Variants in LINGO2 observed in about 807,000 individuals in gnomAD.
The protein encoded by LINGO2 is leucine rich repeat and Ig domain containing 2, also known as leucine-rich repeat and immunoglobulin-like domain-containing nogo receptor-interacting protein 2.
Under a neutral mutation model 30.6 loss-of-function variants are expected in LINGO2, and 14 were observed. That is an observed-to-expected ratio of 0.46 (90% CI 0.30 to 0.72). The LOEUF is 0.72. Ranked by LOEUF, LINGO2 falls within the 30% of genes least tolerant of loss-of-function variation. The pLI is 0.07. For synonymous variants in LINGO2, 317 were observed against 288.5 expected (o/e 1.10, Z -1.00); for missense variants, 729 against 751.7 (o/e 0.97, Z 0.35).
At chr9:28,913,489 T>G in the LINGO2 span, among the ~76,000 whole-genome samples, 1 of 152,242 alleles carries the variant, frequency 6.6e-6, no homozygotes, top group South Asian at 2.1e-4. Flanking sequence ...CGTTATACAA[T>G]ATTATATAGG....
At chr9:29,084,270 G>A in the LINGO2 span, among the ~76,000 whole-genome samples, 1 of 152,024 alleles carries the variant, frequency 6.6e-6, no homozygotes, top group Non-Finnish European at 1.5e-5. Flanking sequence ...GGGAGAAATT[G>A]GACAATGAAG....
Position 28,189,701 on chromosome 9 carries a change from G to GAGGAAGGAAGGAAGGAAGGA in LINGO2, c.-87+105487_-87+105506dup, listed in dbSNP as rs145816256. Among the ~76,000 whole-genome samples the GAGGAAGGAAGGAAGGAAGGA allele has an allele frequency of 5.8e-3, 97 of 16,614 alleles. 13 individuals carry two copies. The highest frequency in any genetic ancestry group is 0.042 in the East Asian group (26 of 624). 10.9% of individuals were successfully genotyped at this position (16,614 alleles called of 152,430 possible). On this transcript the variant is annotated intron_variant, in intron 4 of 5. Coordinates refer to ENST00000379992, the Ensembl canonical transcript of LINGO2. ...GAAGGAAGGGAGGAAGGAAGGGAGG[G>GAGGAAGGAAGGAAGGAAGGA]AGGAAGGAAGGAAGGAAGGAAGGTT...
At chr9:28,220,968 G>A (rs1030727949) in intron 4 of LINGO2, among the ~76,000 whole-genome samples, 1 of 152,140 alleles carries the variant, frequency 6.6e-6, no homozygotes, top group South Asian at 2.1e-4. Flanking sequence ...GTATAGCATG[G>A]TGACTATAGT....
the LINGO2 span, among the ~76,000 whole-genome samples, chr9:29,185,450 C>T: frequency 6.6e-6 from 1 of 152,074 alleles, no homozygotes; most frequent in African/African-American, 2.4e-5. Flanking sequence ...ACATTACATA[C>T]TTTAAACGCA....
the LINGO2 span, among the ~76,000 whole-genome samples, chr9:29,036,925 TTAG>T: frequency 6.6e-6 from 1 of 151,932 alleles, no homozygotes; most frequent in Admixed American, 6.6e-5. Flanking sequence ...AATTGAAAAA[TTAG>T]TTATTAAGGT....
intron 4 of LINGO2, among the ~76,000 whole-genome samples, chr9:28,274,873 T>G (rs1823061771): frequency 6.6e-6 from 1 of 152,194 alleles, no homozygotes; most frequent in South Asian, 2.1e-4. Context: ...TATTCTCACA[T>G]GTATTCAAAG....
the LINGO2 span, among the ~76,000 whole-genome samples, chr9:29,071,826 C>T: frequency 6.6e-6 from 1 of 152,056 alleles, no homozygotes; most frequent in Non-Finnish European, 1.5e-5. Context: ...CTATTTGAAA[C>T]TACACACCTA....
the LINGO2 span, among the ~76,000 whole-genome samples, chr9:29,113,962 GA>G: frequency 5.0e-4 from 73 of 145,232 alleles, no homozygotes; most frequent in Middle Eastern, 3.5e-3. Flanking sequence ...AAAGCTTTAG[GA>G]AAAAAAAAAA....
At chr9:28,984,965 C>T in the LINGO2 span, among the ~76,000 whole-genome samples, 128 of 152,118 alleles carry the variant, frequency 8.4e-4, no homozygotes, top group African/African-American at 3.0e-3. Flanking sequence ...CAAAAAGAAA[C>T]CCACCTTAGA....
intron 1 of LINGO2, among the ~76,000 whole-genome samples, chr9:28,605,891 C>T (rs569390541): frequency 1.3e-5 from 2 of 152,136 alleles, no homozygotes; most frequent in African/African-American, 2.4e-5. Flanking sequence ...TCGTCAAATC[C>T]GAAATATTCA....
At chr9:29,015,325 T>C in the LINGO2 span, among the ~76,000 whole-genome samples, 24 of 152,318 alleles carry the variant, frequency 1.6e-4, no homozygotes, top group East Asian at 4.0e-3. Context: ...CTTGAAAGTT[T>C]TGCACATATA....
intron 3 of LINGO2, among the ~76,000 whole-genome samples, chr9:28,307,651 C>A (rs1427510731): frequency 6.6e-5 from 10 of 152,150 alleles, no homozygotes; most frequent in Non-Finnish European, 1.5e-5. Flanking sequence ...TCCCTGTTTG[C>A]AGATGACATG....
intron 4 of LINGO2, among the ~76,000 whole-genome samples, chr9:28,289,248 A>C (rs1489888578): frequency 5.9e-5 from 9 of 152,202 alleles, no homozygotes; most frequent in Non-Finnish European, 1.0e-4. Context: ...TAAAACTATA[A>C]TATATAAATT....
the LINGO2 span, among the ~76,000 whole-genome samples, chr9:29,037,048 T>G: frequency 1.3e-5 from 2 of 151,910 alleles, no homozygotes; most frequent in African/African-American, 4.8e-5. Context: ...TAATTTCCAG[T>G]GACGTTCATC....
At chr9:28,150,198 G>A (rs1353777549) in intron 4 of LINGO2, among the ~76,000 whole-genome samples, 41 of 149,974 alleles carry the variant, frequency 2.7e-4, no homozygotes, top group African/African-American at 8.3e-4. Flanking sequence ...CCCCTGCACC[G>A]TCTGGGAAAT....
At chr9:29,015,701 C>A in the LINGO2 span, among the ~76,000 whole-genome samples, 1 of 152,168 alleles carries the variant, frequency 6.6e-6, no homozygotes, top group Non-Finnish European at 1.5e-5. Flanking sequence ...GTAAGGTCTG[C>A]TTCCTCTTCT....
At chr9:28,223,046 A>G (rs529200742) in intron 4 of LINGO2, among the ~76,000 whole-genome samples, 4 of 152,308 alleles carry the variant, frequency 2.6e-5, no homozygotes, top group Admixed American at 1.3e-4. Flanking sequence ...AATAGAAAAT[A>G]AACTGAGGCC....
intron 4 of LINGO2, among the ~76,000 whole-genome samples, chr9:28,291,972 A>C (rs1000967284): frequency 6.6e-6 from 1 of 152,234 alleles, no homozygotes; most frequent in Admixed American, 6.5e-5. Flanking sequence ...GAGAACAATG[A>C]TCAGAAACAA....
At chr9:28,224,484 A>C (rs1384886598) in intron 4 of LINGO2, among the ~76,000 whole-genome samples, 1 of 152,208 alleles carries the variant, frequency 6.6e-6, no homozygotes, top group African/African-American at 2.4e-5. Flanking sequence ...CATCGCCACA[A>C]ATATTTACCT....
Sources: gnomAD v4.1 joint callset for allele counts (sites outside exome capture counted in the v4.1 genomes callset) on GRCh38, gnomAD v4.1.1 for gene constraint, MANE v1.5 for transcripts, NCBI Gene and HGNC (gene_info 2026-07-23, HGNC 2026-07-21) for gene names.